NOL9: variants seen among roughly 807,000 people sequenced by gnomAD.
The protein encoded by NOL9 is polynucleotide 5'-hydroxyl-kinase NOL9.
In NOL9, 28 loss-of-function variants were observed where a neutral mutation model predicts 67.9. The ratio of observed to expected loss-of-function variants is 0.41; its 90% confidence interval spans 0.31 to 0.57. NOL9 has a LOEUF of 0.57. Ranked by LOEUF, NOL9 falls within the 20% of genes least tolerant of loss-of-function variation. The pLI is 0.25. For missense variants in NOL9, 777 were observed against 897.0 expected, an observed-to-expected ratio of 0.87 and a Z score of 1.71; for synonymous variants, 356 against 352.2, an observed-to-expected ratio of 1.01 and a Z score of -0.12.
intron 9 of NOL9, among the ~76,000 whole-genome samples, chr1:6,529,639 C>A (rs1180854936): frequency 3.3e-5 from 5 of 151,510 alleles, no homozygotes; most frequent in South Asian, 2.1e-4. Context: ...ATAAAAAATT[C>A]TTTAGGCTGG....
rs745777154 is a variant in NOL9, at chr1:6,541,843, T to G, written c.1062A>C (p.Thr354=). 6.3e-6 allele frequency: 10 copies of G among 1,598,454 alleles called. No individual in the cohort carries two copies. The highest frequency in any genetic ancestry group is 8.5e-6 in the Non-Finnish European group (10 of 1,171,302). ...TGTAATACATACCCAGAACTGGTTC[T>G]GTAATATTAAGCAAAGAAATGCAAC... ...PPGCISLLNI[T]EPVLGPPFTH... The change falls in exon 6 of 12, where the codon ACA becomes ACC. Residue 354 remains threonine (T), a synonymous_variant. Coordinates refer to ENST00000377705, the MANE Select transcript of NOL9 (RefSeq NM_024654.5).
At chr1:6,543,306 CT>C (rs1419049075) in intron 5 of NOL9, among the ~76,000 whole-genome samples, 5 of 151,910 alleles carry the variant, frequency 3.3e-5, no homozygotes, top group African/African-American at 1.2e-4. Context: ...CGCCATTCTC[CT>C]GCCTCAGCCT....
chr1:6,543,487 G>A (rs1312357114), intron 5 of NOL9, among the ~76,000 whole-genome samples: 4 of 151,952 alleles, frequency 2.6e-5, no homozygotes, highest in South Asian at 2.1e-4. Flanking sequence ...GAGCCACTGC[G>A]CCCAGGCTTT....
intron 1 of NOL9, among the ~76,000 whole-genome samples, chr1:6,552,165 A>G (rs1041498860): frequency 2.0e-5 from 3 of 152,220 alleles, no homozygotes; most frequent in African/African-American, 7.2e-5. Flanking sequence ...GAAGGGCGTC[A>G]GGAAGAATGG....
intron 1 of NOL9, 74 bp downstream of exon 1, chr1:6,554,033 C>A (rs1032447508): frequency 7.8e-6 from 10 of 1,290,308 alleles, no homozygotes; most frequent in Non-Finnish European, 1.1e-5. Flanking sequence ...TCCTCTCCTA[C>A]CCTGCAGCTC....
chr1:6,549,850 G>A, intron 2 of NOL9, 152 bp from the exon 3 acceptor site: 2 of 856,946 alleles, frequency 2.3e-6, no homozygotes, highest in Non-Finnish European at 3.5e-6. Context: ...TACATACTAA[G>A]AACACATCTG....
chr1:6,530,460 GATAA>G (rs753165066), intron 9 of NOL9, among the ~76,000 whole-genome samples: 58 of 152,052 alleles, frequency 3.8e-4, no homozygotes, highest in Non-Finnish European at 6.8e-4. Flanking sequence ...ATCTCAAAAA[GATAA>G]ATAAATAAAT....
Position 6,525,698 on chromosome 1 carries a change from T to C in NOL9, c.*156A>G. 2.6e-6 allele frequency: 2 copies of C among 760,374 alleles called. No individual in the cohort carries two copies. Among genetic ancestry groups the C allele is most frequent in the Non-Finnish European group, 4.4e-6 (2 of 457,874 alleles). 47.1% of individuals were successfully genotyped at this position (760,374 alleles called of 1,614,324 possible). On this transcript the variant is annotated 3_prime_UTR_variant, in exon 12 of 12. Coordinates refer to ENST00000377705, the MANE Select transcript of NOL9 (RefSeq NM_024654.5). Reference sequence around the variant, plus strand: ...CTCATGCAGCTTTAAAAGAGAAACTTAAGACTACTATATGACATTCACGAA... The same window carrying C: ...CTCATGCAGCTTTAAAAGAGAAACTCAAGACTACTATATGACATTCACGAA...
chr1:6,547,997 G>C (rs9727155), intron 3 of NOL9: 292,558 of 297,086 alleles, frequency 0.98, 144,188 homozygotes, highest in Middle Eastern at 1. Flanking sequence ...TACAATACAG[G>C]CTCTAACAAA....
intron 1 of NOL9, among the ~76,000 whole-genome samples, chr1:6,553,677 T>C (rs1209854802): frequency 6.6e-6 from 1 of 151,862 alleles, no homozygotes; most frequent in Admixed American, 6.6e-5. Context: ...CCGTTTCTAC[T>C]AAAAATACAA....
chr1:6,549,265 G>GAACC (rs34485217), intron 3 of NOL9: 41 of 229,812 alleles, frequency 1.8e-4, no homozygotes, highest in Admixed American at 5.1e-4. Flanking sequence ...TCAAAAAAAC[G>GAACC]AACCAACCAA....
At chr1:6,547,507 T>A (rs568598503) in intron 3 of NOL9, among the ~76,000 whole-genome samples, 8 of 146,998 alleles carry the variant, frequency 5.4e-5, no homozygotes, top group African/African-American at 2.1e-4. Flanking sequence ...GTAATAGTAC[T>A]TAAGGAAATG....
At chr1:6,530,753 C>T (rs1408136005) in intron 9 of NOL9, among the ~76,000 whole-genome samples, 1 of 152,250 alleles carries the variant, frequency 6.6e-6, no homozygotes, top group Non-Finnish European at 1.5e-5. Context: ...AAATGAAGCA[C>T]GTCTTAGCCT....
rs1270918625 is a variant in NOL9 at position 6,521,600 on chromosome 1, G to A, written c.*4254C>T. On this transcript the variant is annotated 3_prime_UTR_variant, in exon 12 of 12. Transcript: ENST00000377705. ...CTTTCAGGAATGGGTTATCTATGGT[G>A]GCCGTGGAGCTTGCTTCCTCAAGGG... 1.3e-5 allele frequency: 2 copies of A among 152,192 alleles called. No individual in the cohort carries two copies. Among genetic ancestry groups the A allele is most frequent in the Non-Finnish European group, 2.9e-5 (2 of 68,036 alleles). 9.4% of individuals were successfully genotyped at this position (152,192 alleles called of 1,614,324 possible).
chr1:6,552,275 C>T (rs1639559608), intron 1 of NOL9, among the ~76,000 whole-genome samples: 1 of 152,088 alleles, frequency 6.6e-6, no homozygotes, highest in African/African-American at 2.4e-5. Flanking sequence ...GCGTATGTAC[C>T]CTGGAACTTA....
intron 6 of NOL9, among the ~76,000 whole-genome samples, chr1:6,536,447 C>G (rs868014998): frequency 5.3e-5 from 8 of 152,214 alleles, no homozygotes; most frequent in Middle Eastern, 6.8e-3. Flanking sequence ...TAGGAGGATC[C>G]CTTCAGCCCA....
Position 6,533,314 on chromosome 1 carries a change from G to A in NOL9, c.1203C>T (p.Ser401=). Residue 401 remains serine (S), a synonymous_variant, in exon 7 of 12, where the codon TCC becomes TCT. Transcript: ENST00000377705. ...ATCCCATAGTGTTGACGATGAGAGGGGACTCTCTCTTGTAAGCGCTGAACA... is the reference window on the plus strand; with the variant it reads ...ATCCCATAGTGTTGACGATGAGAGGAGACTCTCTCTTGTAAGCGCTGAACA... The part of the protein sequence containing the change: ...KYVFSAYKRE[S]PLIVNTMGWV... 6.2e-7 allele frequency: 1 copy of A among 1,608,294 alleles called. No individual in the cohort carries two copies. Among genetic ancestry groups the A allele is most frequent in the Non-Finnish European group, 8.5e-7 (1 of 1,176,884 alleles).
intron 6 of NOL9, among the ~76,000 whole-genome samples, chr1:6,534,736 T>C (rs1639109803): frequency 6.6e-6 from 1 of 152,176 alleles, no homozygotes; most frequent in Non-Finnish European, 1.5e-5. Flanking sequence ...GAGTGACCCC[T>C]GGGGTGTTAA....
At chr1:6,545,744 A>C (rs1216502781) in intron 3 of NOL9, among the ~76,000 whole-genome samples, 10 of 151,784 alleles carry the variant, frequency 6.6e-5, no homozygotes, top group African/African-American at 2.4e-4. Flanking sequence ...GAAAATAAAG[A>C]TACCATAAAG....
Sources: gnomAD v4.1 joint callset for allele counts (sites outside exome capture counted in the v4.1 genomes callset) on GRCh38, gnomAD v4.1.1 for gene constraint, MANE v1.5 for transcripts, NCBI Gene and HGNC (gene_info 2026-07-23, HGNC 2026-07-21) for gene names.